FLG: variants seen among roughly 807,000 people sequenced by gnomAD.
FLG encodes the protein filaggrin, also known as epidermal filaggrin.
In FLG, 6 loss-of-function variants were observed where a neutral mutation model predicts 3.8. The ratio of observed to expected loss-of-function variants is 1.60; its 90% confidence interval spans 0.87 to 3.15. The LOEUF (loss-of-function observed/expected upper bound fraction) is 3.15. FLG is among the 30% of genes most tolerant of loss of function. The pLI is 0.00. For synonymous variants in FLG, 2,551 were observed against 1,931.6 expected (o/e 1.32, Z -8.41); for missense variants, 7,595 against 5,050.9 (o/e 1.50, Z -15.27).
rs141501664 is a variant in FLG at position 152,309,644 on chromosome 1, G to T, written c.5242C>A (p.Gln1748Lys). The T allele has an allele frequency of 2.7e-5, 43 of 1,613,778 alleles. No individual in the cohort carries two copies. Among genetic ancestry groups the T allele is most frequent in the Non-Finnish European group, 4.2e-6 (5 of 1,179,952 alleles). Reference protein sequence around the residue: ...GQAGPHQQSHQESTRGQSGER... With the variant: ...GQAGPHQQSHKESTRGQSGER... ...CCTGACTGGCCACGTGTGGACTCTT[G>T]GTGGCTCTGCTGATGGGGCCCAGCC... The change falls in exon 3 of 3, where the codon CAA becomes AAA. Residue 1748 changes from glutamine (Q) to lysine (K), a missense_variant. By Grantham distance (53) the Gln-to-Lys change is moderately conservative. Coordinates refer to ENST00000368799, the MANE Select transcript of FLG (RefSeq NM_002016.2).
chr1:152,310,247 C>T lies in FLG; in HGVS notation c.4639G>A (p.Glu1547Lys), dbSNP rs1220069584. Residue 1547 changes from glutamate (E) to lysine (K), a missense_variant, in exon 3 of 3, where the codon GAG becomes AAG. Physicochemically the swap from Glu to Lys is moderately conservative, Grantham distance 56. Transcript: ENST00000368799. ...PRSASRQTRN[E>K]EQSGDGSRHS... is the part of the protein sequence containing the mutation. ...CTGGAGCCGTCTCCTGATTGTTCCT[C>T]ATTTCTTGTTTGCCTGCTTGCACTT... 3.7e-6 allele frequency: 6 copies of T among 1,613,776 alleles called. No individual in the cohort carries two copies. The highest frequency in any genetic ancestry group is 2.2e-5 in the East Asian group (1 of 44,816).
chr1:152,315,534 T>G (rs961593445), intron 1 of FLG, 57 bp from the exon 2 acceptor site: 5 of 1,326,562 alleles, frequency 3.8e-6, no homozygotes, highest in Non-Finnish European at 5.3e-6. Flanking sequence ...TAGGTTATAT[T>G]ATTACAATCA....
chr1:152,321,071 C>A (rs935517100), intron 1 of FLG, among the ~76,000 whole-genome samples: 2 of 150,754 alleles, frequency 1.3e-5, no homozygotes, highest in Non-Finnish European at 3.0e-5. Flanking sequence ...TATACACACA[C>A]ACATATATAC....
chr1:152,317,834 T>C (rs2101656045), intron 1 of FLG, among the ~76,000 whole-genome samples: 1 of 152,172 alleles, frequency 6.6e-6, no homozygotes, highest in East Asian at 1.9e-4. Context: ...GTCTTGATTT[T>C]CAACTGCTTT....
At chr1:152,321,005 A>C (rs34188926) in intron 1 of FLG, among the ~76,000 whole-genome samples, 30,240 of 150,866 alleles carry the variant, frequency 0.2, 3,993 homozygotes, top group East Asian at 0.59. Context: ...ATGAAATAGC[A>C]TAACTTGTGG....
chr1:152,305,517 C>T lies in FLG; in HGVS notation c.9369G>A (p.Gly3123=), dbSNP rs1651895984. The T allele has an allele frequency of 3.2e-6, 5 of 1,553,854 alleles. No homozygotes were observed. Among genetic ancestry groups the T allele is most frequent in the South Asian group, 1.2e-5 (1 of 85,470 alleles). ...HPGSSRGGRQ[G]YHHEHSVDSS... is the part of the protein sequence containing the mutation. ...TATCTACCGAATGCTCGTGGTGGTA[C>T]CCCTGCCTTCCTCCTCTGCTTGACC... The change falls in exon 3 of 3, where the codon GGG becomes GGA. Residue 3123 remains glycine (G), a synonymous_variant. Coordinates refer to ENST00000368799, the MANE Select transcript of FLG (RefSeq NM_002016.2).
At position 152,307,203 on chromosome 1, in the gene FLG, C is replaced by T. The variant is rs143745201; in HGVS notation, c.7683G>A (p.Arg2561=). 2.5e-6 allele frequency: 4 copies of T among 1,612,814 alleles called. No homozygotes were observed. The Admixed American group carries it at 6.7e-5, about 27-fold the overall frequency. Residue 2561 remains arginine, a synonymous_variant, in exon 3 of 3, where the codon AGG becomes AGA. Coordinates refer to ENST00000368799, the MANE Select transcript of FLG (RefSeq NM_002016.2). ...QGQSEGPRTS[R]NWGSSFSQDS... ...CCTGGCTAAAACTGGATCCCCAGTT[C>T]CTGCTTGTCCTGGGCCCCTCTGATT...
Position 152,314,039 on chromosome 1 carries a change from G to T in FLG, c.847C>A (p.Pro283Thr), listed in dbSNP as rs756603752. 3.1e-6 allele frequency: 5 copies of T among 1,614,142 alleles called. No homozygotes were observed. The South Asian group carries it at 4.4e-5, about 14-fold the overall frequency. ...TTTCTTGTCCTGGACTCCTGCAATG[G>T]TACCTGGCTTGTATTTTCATGTCTT... ...RSRHENTSQV[P>T]LQESRTRKRR... Residue 283 changes from proline to threonine, a missense_variant, in exon 3 of 3, where the codon CCA becomes ACA. Pro to Thr is a conservative substitution (Grantham distance 38). Coordinates refer to ENST00000368799, the MANE Select transcript of FLG (RefSeq NM_002016.2).
In FLG at chr1:152,314,591, G is replaced by T. The variant is rs374663403; in HGVS notation, c.295C>A (p.His99Asn). 5 of 1,613,472 alleles carry T rather than the reference G, an allele frequency of 3.1e-6. No individual in the cohort carries two copies. In the African/African-American group the frequency reaches 6.7e-5, roughly 22 times the overall value. ...TRKENLPISG[H>N]KHRKHSHHDK... ...TGATGACTGTGCTTTCTGTGCTTGT[G>T]TCCTGATATCGGTAAATTCTCTTTT... Residue 99 changes from histidine (H) to asparagine (N), a missense_variant, in exon 3 of 3, where the codon CAC becomes AAC. His to Asn is a moderately conservative substitution (Grantham distance 68). Transcript: ENST00000368799.
rs141599535 is a variant in FLG at position 152,304,773 on chromosome 1, G to C, written c.10113C>G (p.Ser3371=). 1.2e-6 allele frequency: 2 copies of C among 1,613,560 alleles called. No homozygotes were observed. Among genetic ancestry groups the C allele is most frequent in the African/African-American group, 1.3e-5 (1 of 74,800 alleles). The change falls in exon 3 of 3, where the codon TCC becomes TCG. Residue 3371 remains serine, a synonymous_variant. Coordinates refer to ENST00000368799, the MANE Select transcript of FLG (RefSeq NM_002016.2). ...AGPHQQSHQE[S]ARDRSGGRSG... is the part of the protein sequence containing the mutation. ...ACCTTCCCCCTGACCGGTCACGTGC[G>C]GACTCTTGGTGGCTCTGCTGATGGG...
Position 152,313,055 on chromosome 1 carries a change from G to C in FLG, c.1831C>G (p.Pro611Ala), listed in dbSNP as rs561362233. The change falls in exon 3 of 3, where the codon CCC becomes GCC. Residue 611 changes from proline (P) to alanine (A), a missense_variant. Pro to Ala is a conservative substitution (Grantham distance 27). Transcript: ENST00000368799. The part of the protein sequence containing the change: ...SQVGQGQSSG[P>A]RTSRNQGSSV... Reference sequence around the variant, plus strand: ...GATCCCTGGTTCCTACTTGTCCTGGGCCCCGATGATTGTCCCTGGCCCACC... The same window carrying C: ...GATCCCTGGTTCCTACTTGTCCTGGCCCCCGATGATTGTCCCTGGCCCACC... 2.2e-5 allele frequency: 35 copies of C among 1,613,860 alleles called. No individual in the cohort carries two copies. Among genetic ancestry groups the C allele is most frequent in the Non-Finnish European group, 2.9e-5 (34 of 1,179,980 alleles).
In FLG at chr1:152,312,843, G is replaced by T. The variant is rs1652559757; in HGVS notation, c.2043C>A (p.Gly681=). ...TAGAGGAATTCTGTGTGTGACGAGT[G>T]CCTGATTTTCTGGAGCTGTCTGCAG... ...GHSADSSRKS[G]TRHTQNSSSG... The change falls in exon 3 of 3, where the codon GGC becomes GGA. Residue 681 remains glycine, a synonymous_variant. Coordinates refer to ENST00000368799, the MANE Select transcript of FLG (RefSeq NM_002016.2). 6 of 1,613,948 alleles carry T rather than the reference G, an allele frequency of 3.7e-6. No individual in the cohort carries two copies. Among genetic ancestry groups the T allele is most frequent in the African/African-American group, 1.3e-5 (1 of 74,846 alleles).
Position 152,310,118 on chromosome 1 carries a change from G to C in FLG, c.4768C>G (p.Gln1590Glu). 6.2e-7 allele frequency: 1 copy of C among 1,613,928 alleles called. No individual in the cohort carries two copies. The highest frequency in any genetic ancestry group is 8.5e-7 in the Non-Finnish European group (1 of 1,179,990). The change falls in exon 3 of 3, where the codon CAG becomes GAG. Residue 1590 changes from glutamine to glutamate, a missense_variant. Transcript: ENST00000368799. ...ESAGSKTSRR[Q>E]GSSVSQDRDS... ...CTGTCCTGACTAACACTGGATCCCTGGCGCCTGCTTGTCTTGGACCCCGCT... is the reference window on the plus strand; with the variant it reads ...CTGTCCTGACTAACACTGGATCCCTCGCGCCTGCTTGTCTTGGACCCCGCT...
chr1:152,305,327 T>C lies in FLG; in HGVS notation c.9559A>G (p.Thr3187Ala). 1 of 1,608,146 alleles carries C rather than the reference T, an allele frequency of 6.2e-7. No individual in the cohort carries two copies. The highest frequency in any genetic ancestry group is 8.5e-7 in the Non-Finnish European group (1 of 1,178,286). The change falls in exon 3 of 3, where the codon ACT becomes GCT. Residue 3187 changes from threonine (T) to alanine (A), a missense_variant. Transcript: ENST00000368799. ...HSVSRHHEAS[T>A]HADISRHSQA... ...GAGTGTCTAGAGATGTCGGCATGAGTGGAAGCTTCATGGTGACGTGACACT... is the reference window on the plus strand; with the variant it reads ...GAGTGTCTAGAGATGTCGGCATGAGCGGAAGCTTCATGGTGACGTGACACT...
At position 152,308,937 on chromosome 1, in the gene FLG, C is replaced by G. The variant is rs779185339; in HGVS notation, c.5949G>C (p.Glu1983Asp). ...ACGCAGCCTGTCCACGAGAGGAAGA[C>G]TCTGTGTGACGAGTGCCTGATTGTC... The part of the protein sequence containing the change: ...SSRQSGTRHT[E>D]SSSRGQAASS... The change falls in exon 3 of 3, where the codon GAG (glutamate) becomes GAC (aspartate). Residue 1983 changes from glutamate (E) to aspartate (D), a missense_variant. Physicochemically the swap from Glu to Asp is conservative, Grantham distance 45 (BLOSUM62 2). Transcript: ENST00000368799. 1 of 1,614,136 alleles carries G rather than the reference C, an allele frequency of 6.2e-7. No homozygotes were observed. Among genetic ancestry groups the G allele is most frequent in the South Asian group, 1.1e-5 (1 of 91,066 alleles).
At position 152,312,631 on chromosome 1, in the gene FLG, C is replaced by T. The variant is rs1239314484; in HGVS notation, c.2255G>A (p.Gly752Glu). ...CTGTGTGTCTGAGTCTTCTGAATGT[C>T]CCTCACTGTCAGTGGCCTGACTACC... is the stretch of plus-strand genomic sequence containing the variant. The part of the protein sequence containing the change: ...SSGSQATDSE[G>E]HSEDSDTQSV... The change falls in exon 3 of 3, where the codon GGA (glycine) becomes GAA (glutamate). Residue 752 changes from glycine to glutamate, a missense_variant. Transcript: ENST00000368799. The T allele has an allele frequency of 6.2e-6, 10 of 1,613,752 alleles. No individual in the cohort carries two copies. In the Admixed American group the frequency reaches 1.3e-4, roughly 22 times the overall value.
At chr1:152,317,376 A>G (rs530458226) in intron 1 of FLG, among the ~76,000 whole-genome samples, 1 of 152,118 alleles carries the variant, frequency 6.6e-6, no homozygotes, top group East Asian at 1.9e-4. Context: ...TCCTTTACTC[A>G]AGGTATTTTT....
chr1:152,311,725 G>A lies in FLG; in HGVS notation c.3161C>T (p.Ala1054Val), dbSNP rs369709770. 1.4e-5 allele frequency: 22 copies of A among 1,614,060 alleles called. No individual in the cohort carries two copies. In the African/African-American group the frequency reaches 2.4e-4, roughly 18 times the overall value. Residue 1054 changes from alanine (A) to valine (V), a missense_variant, in exon 3 of 3, where the codon GCT becomes GTT. Physicochemically the swap from Ala to Val is moderately conservative, Grantham distance 64 (BLOSUM62 0). Transcript: ENST00000368799. Reference protein sequence around the residue: ...SRHSGIPRRQASSAVRDSGHW... With the variant: ...SRHSGIPRRQVSSAVRDSGHW... Reference sequence around the variant, plus strand: ...TCCACTGTCTCTGACTGCAGATGAAGCTTGTCTGCGCGGAATGCCTGAGTG... The same window carrying A: ...TCCACTGTCTCTGACTGCAGATGAAACTTGTCTGCGCGGAATGCCTGAGTG...
rs1434516708 is a variant in FLG at position 152,308,304 on chromosome 1, A to C, written c.6582T>G (p.Tyr2194Ter). 2 of 1,613,158 alleles carry C rather than the reference A, an allele frequency of 1.2e-6. No individual in the cohort carries two copies. ...SGSRSASRKT[Y>*]DKEQSGDGSR... ...AGCCATCTCCTGATTGTTCCTTGTCATATGTTTTTCTGCTTGCACTTCTGG... is the reference window on the plus strand; with the variant it reads ...AGCCATCTCCTGATTGTTCCTTGTCCTATGTTTTTCTGCTTGCACTTCTGG... Residue 2194 changes from tyrosine (Y) to a stop codon, truncating the protein, a stop_gained, in exon 3 of 3, where the codon TAT (tyrosine) becomes TAG (stop). Transcript: ENST00000368799. LOFTEE classifies it low-confidence loss of function (END_TRUNC).
Sources: gnomAD v4.1 joint callset for allele counts (sites outside exome capture counted in the v4.1 genomes callset) on GRCh38, gnomAD v4.1.1 for gene constraint, MANE v1.5 for transcripts, NCBI Gene and HGNC (gene_info 2026-07-23, HGNC 2026-07-21) for gene names.